The following UBAC1 variants were observed in gnomAD, a reference collection of about 807,000 sequenced individuals.
UBAC1 encodes the protein ubiquitin-associated domain-containing protein 1.
In UBAC1, 27 loss-of-function variants were observed where a neutral mutation model predicts 45.9. That is an observed-to-expected ratio of 0.59 (90% CI 0.43 to 0.81). UBAC1 has a LOEUF of 0.81. Ranked by LOEUF, UBAC1 falls within the 30% of genes least tolerant of loss-of-function variation. The pLI is 0.00. For synonymous variants in UBAC1, 227 were observed against 215.5 expected (o/e 1.05, Z -0.47); for missense variants, 529 against 539.2 (o/e 0.98, Z 0.19).
chr9:135,933,528 C>T lies in UBAC1; in HGVS notation c.1103-13G>A, dbSNP rs778364038. ...ATGTCTTCAAATGCTGCAGGGAAAA[C>T]AGAGCCAGCCTGAGTGCCCACGCCC... On this transcript the variant is annotated splice_polypyrimidine_tract_variant and intron_variant, in intron 9 of 9. Transcript: ENST00000371756. 3.1e-6 allele frequency: 5 copies of T among 1,607,642 alleles called. No individual in the cohort carries two copies. Among genetic ancestry groups the T allele is most frequent in the Non-Finnish European group, 4.3e-6 (5 of 1,174,312 alleles).
At position 135,945,662 on chromosome 9, in the gene UBAC1, T is replaced by C. The variant is rs912795446; in HGVS notation, c.653+227A>G. On this transcript the variant is annotated intron_variant, in intron 6 of 9. Coordinates refer to ENST00000371756, the MANE Select transcript of UBAC1 (RefSeq NM_016172.3). ...GTCCCTGCTACGAACGGGATTCACC[T>C]TGAGTTCTCATACAACGGCCCAAAG... The C allele has an allele frequency of 2.2e-5, 13 of 579,704 alleles. No individual in the cohort carries two copies. In the African/African-American group the frequency reaches 2.4e-4, roughly 11 times the overall value. The allele number at this position is 579,704 out of a possible 1,614,324, so 35.9% of individuals were successfully genotyped here.
chr9:135,939,384 C>A (rs1481515394), intron 8 of UBAC1, among the ~76,000 whole-genome samples: 1 of 152,138 alleles, frequency 6.6e-6, no homozygotes, highest in Non-Finnish European at 1.5e-5. Context: ...GGCAAACACA[C>A]GGCCTCCACC....
chr9:135,961,110 A>C lies in UBAC1; in HGVS notation c.53T>G (p.Ile18Ser). The change falls in exon 1 of 10, where the codon ATC (isoleucine) becomes AGC (serine). Residue 18 changes from isoleucine (I) to serine (S), a missense_variant. Physicochemically the swap from Ile to Ser is moderately radical, Grantham distance 142. Transcript: ENST00000371756. ...IFAGKVLRLH[I>S]CASDGAEWLE... ...CCACTCGGCGCCGTCGGACGCGCAGATGTGCAGCCGCAGCACCTTGCCCGC... is the reference window on the plus strand; with the variant it reads ...CCACTCGGCGCCGTCGGACGCGCAGCTGTGCAGCCGCAGCACCTTGCCCGC... The C allele has an allele frequency of 6.3e-7, 1 of 1,591,010 alleles. No individual in the cohort carries two copies. The highest frequency in any genetic ancestry group is 8.5e-7 in the Non-Finnish European group (1 of 1,173,578).
chr9:135,961,197 C>G lies in UBAC1; in HGVS notation c.-35G>C. On this transcript the variant is annotated 5_prime_UTR_variant, in exon 1 of 10. Coordinates refer to ENST00000371756, the MANE Select transcript of UBAC1 (RefSeq NM_016172.3). ...GCCGCAGGGGCCTGCGCCCGCCACC[C>G]GGGCCCCTGAAGGTCACCGGGAAGG... 1.3e-6 allele frequency: 2 copies of G among 1,485,096 alleles called. No individual in the cohort carries two copies. Among genetic ancestry groups the G allele is most frequent in the South Asian group, 2.5e-5 (2 of 79,248 alleles). The allele number at this position is 1,485,096 out of a possible 1,614,324, so 92.0% of individuals were successfully genotyped here.
chr9:135,950,717 G>A (rs2131091035), intron 3 of UBAC1, among the ~76,000 whole-genome samples: 1 of 152,280 alleles, frequency 6.6e-6, no homozygotes, highest in Middle Eastern at 3.4e-3. Flanking sequence ...AGTCAATAGA[G>A]ACTAAAGTTG....
chr9:135,952,273 G>A, intron 3 of UBAC1, among the ~76,000 whole-genome samples: 1 of 152,260 alleles, frequency 6.6e-6, no homozygotes, highest in East Asian at 1.9e-4. Context: ...ACCAGGCATG[G>A]GCCTAGCCCA....
intron 8 of UBAC1, 105 bp downstream of exon 8, chr9:135,939,568 A>C (rs1839244112): frequency 1.8e-6 from 2 of 1,121,612 alleles, no homozygotes; most frequent in Non-Finnish European, 2.6e-6. Flanking sequence ...ACCACAGCCC[A>C]CACTCACTCA....
At chr9:135,947,719 C>A (rs748911934) in intron 4 of UBAC1, 79 bp downstream of exon 4, 26 of 1,207,398 alleles carry the variant, frequency 2.2e-5, no homozygotes, top group Admixed American at 4.8e-5. Context: ...CTTGCTGCCC[C>A]GCCCCGCAGG....
intron 4 of UBAC1, 64 bp downstream of exon 4, chr9:135,947,734 C>A: frequency 2.2e-6 from 3 of 1,389,832 alleles, no homozygotes; most frequent in South Asian, 1.3e-5. Context: ...CGCAGGAACC[C>A]CCCCACAGCA....
rs548485152 is a variant in UBAC1, at chr9:135,946,325, G to A, written c.488C>T (p.Ala163Val). The part of the protein sequence containing the change: ...RKILVSLIEV[A>V]QKLLALNPDA... ...TGGGTTCAGCGCTAACAGCTTCTGC[G>A]CCACCTCGATGAGAGACACCAGTAT... The change falls in exon 5 of 10, where the codon GCG (alanine) becomes GTG (valine). Residue 163 changes from alanine to valine, a missense_variant. By Grantham distance (64) the Ala-to-Val change is moderately conservative. Coordinates refer to ENST00000371756, the MANE Select transcript of UBAC1 (RefSeq NM_016172.3). 21 of 1,613,994 alleles carry A rather than the reference G, an allele frequency of 1.3e-5. No homozygotes were observed. The highest frequency in any genetic ancestry group is 6.7e-5 in the East Asian group (3 of 44,884).
At chr9:135,940,773 A>C (rs190619878) in intron 7 of UBAC1, among the ~76,000 whole-genome samples, 1 of 152,294 alleles carries the variant, frequency 6.6e-6, no homozygotes, top group African/African-American at 2.4e-5. Flanking sequence ...TCCATTTTGA[A>C]AAAATATAAA....
intron 1 of UBAC1, among the ~76,000 whole-genome samples, chr9:135,957,463 G>T (rs7860947): frequency 1.3e-5 from 2 of 151,884 alleles, no homozygotes; most frequent in African/African-American, 4.8e-5. Flanking sequence ...CACAGTCCAC[G>T]TGTCACCAGC....
intron 7 of UBAC1, 98 bp downstream of exon 7, chr9:135,944,930 G>C (rs547646914): frequency 7.9e-7 from 1 of 1,264,134 alleles, no homozygotes; most frequent in African/African-American, 1.5e-5. Context: ...AGCCAGCTCA[G>C]CCCAAGGTCA....
chr9:135,937,683 C>T (rs1056120740), intron 9 of UBAC1, among the ~76,000 whole-genome samples: 29 of 152,158 alleles, frequency 1.9e-4, no homozygotes, highest in Non-Finnish European at 2.6e-4. Flanking sequence ...GCCGCGGCCA[C>T]GGCGACGGCC....
At chr9:135,940,085 C>T (rs572952813) in intron 7 of UBAC1, among the ~76,000 whole-genome samples, 1 of 152,296 alleles carries the variant, frequency 6.6e-6, no homozygotes, top group East Asian at 1.9e-4. Context: ...AGGCCAACTT[C>T]AGACCCTTTC....
chr9:135,959,399 G>A (rs1281326915), intron 1 of UBAC1, among the ~76,000 whole-genome samples: 5 of 137,854 alleles, frequency 3.6e-5, no homozygotes, highest in Non-Finnish European at 6.1e-5. Flanking sequence ...TTTTTGAGAC[G>A]GAGTCTTGCT....
At chr9:135,935,147 T>C (rs1289557763) in intron 9 of UBAC1, among the ~76,000 whole-genome samples, 3 of 152,152 alleles carry the variant, frequency 2.0e-5, no homozygotes, top group Admixed American at 6.6e-5. Flanking sequence ...TCCTCTTGCC[T>C]CAACCTCCCA....
rs1220349329 is a variant in UBAC1, at chr9:135,945,634, C to T, written c.653+255G>A. 6 of 563,172 alleles carry T rather than the reference C, an allele frequency of 1.1e-5. No homozygotes were observed. In the East Asian group the frequency reaches 1.2e-4, roughly 11 times the overall value. The allele number at this position is 563,172 out of a possible 1,614,324, so 34.9% of individuals were successfully genotyped here. A position where few individuals can be genotyped will look rare whatever the true frequency, so the allele number is the denominator to read the frequency against. On this transcript the variant is annotated intron_variant, in intron 6 of 9. Coordinates refer to ENST00000371756, the MANE Select transcript of UBAC1 (RefSeq NM_016172.3). ...GAATCCTGAGAAGACTGTTAGAGGC[C>T]GTGTCCCTGCTACGAACGGGATTCA...
At chr9:135,935,752 CGCA>C (rs1839196366) in intron 9 of UBAC1, among the ~76,000 whole-genome samples, 3 of 152,164 alleles carry the variant, frequency 2.0e-5, no homozygotes, top group Admixed American at 2.0e-4. Flanking sequence ...AGTGGCCAGG[CGCA>C]GTAGCTCAAG....
Sources: allele counts gnomAD v4.1 joint callset (sites outside exome capture counted in the v4.1 genomes callset), GRCh38; gene constraint gnomAD v4.1.1; transcripts MANE v1.5; gene names NCBI Gene and HGNC (gene_info 2026-07-23, HGNC 2026-07-21).